Variants in FBLN2 observed in about 807,000 individuals in gnomAD.
FBLN2 encodes fibulin-2.
A neutral mutation model predicts 123.7 loss-of-function variants in FBLN2; 81 were observed. The ratio of observed to expected loss-of-function variants is 0.65; its 90% CI spans 0.55 to 0.79. The LOEUF is 0.79. Ranked by LOEUF, FBLN2 falls within the 30% of genes least tolerant of loss-of-function variation. FBLN2 has a pLI of 0.00. For missense variants in FBLN2, 1,603 were observed against 1,681.3 expected (o/e 0.95, Z 0.81); for synonymous variants, 699 against 701.4 (o/e 1.00, Z 0.05).
chr3:13,573,575 G>A (rs1210678045), intron 2 of FBLN2, among the ~76,000 whole-genome samples: 2 of 152,088 alleles, frequency 1.3e-5, no homozygotes, highest in African/African-American at 2.4e-5. Context: ...GCATCTTACC[G>A]GCTCCTGTGC....
At chr3:13,576,092 A>G (rs1246287184) in intron 2 of FBLN2, among the ~76,000 whole-genome samples, 2 of 152,166 alleles carry the variant, frequency 1.3e-5, no homozygotes, top group African/African-American at 4.8e-5. Context: ...GCCTGGAGGA[A>G]CCCACAGAGA....
chr3:13,570,950 T>C lies in FBLN2; in HGVS notation c.595T>C (p.Tyr199His), dbSNP rs765973064. The change falls in exon 2 of 18, where the codon TAT (tyrosine) becomes CAT (histidine). Residue 199 changes from tyrosine (Y) to histidine (H), a missense_variant. Physicochemically the swap from Tyr to His is moderately conservative, Grantham distance 83. Coordinates refer to ENST00000404922, the MANE Select transcript of FBLN2 (RefSeq NM_001004019.2). The stretch of plus-strand genomic sequence containing the variant: ...GCGACACTACGAAGACCCCTACAGC[T>C]ATGACCAGGAGGTGGCCGAGGTGGA... ...PERHYEDPYSYDQEVAEVEAA... is the reference protein window; with the variant it reads ...PERHYEDPYSHDQEVAEVEAA... 2 of 1,612,666 alleles carry C rather than the reference T, an allele frequency of 1.2e-6. No homozygotes were observed. Among genetic ancestry groups the C allele is most frequent in the South Asian group, 2.2e-5 (2 of 90,844 alleles).
chr3:13,634,007 C>T (rs1706361264), intron 16 of FBLN2, among the ~76,000 whole-genome samples: 1 of 48,666 alleles, frequency 2.1e-5, no homozygotes, highest in South Asian at 6.2e-4. Context: ...CTGAAAGTCA[C>T]TCTGAGTCCC....
At chr3:13,596,939 T>C (rs1412689434) in intron 2 of FBLN2, among the ~76,000 whole-genome samples, 2 of 152,006 alleles carry the variant, frequency 1.3e-5, no homozygotes, top group Non-Finnish European at 2.9e-5. Context: ...TATTTATTTA[T>C]TTATTTATTT....
At chr3:13,626,991 CG>C (rs1014947293) in intron 10 of FBLN2, among the ~76,000 whole-genome samples, 7 of 152,108 alleles carry the variant, frequency 4.6e-5, no homozygotes, top group African/African-American at 1.4e-4. Context: ...TCAACAAGTA[CG>C]TCCTGAGCTG....
intron 14 of FBLN2, among the ~76,000 whole-genome samples, chr3:13,630,423 G>T (rs1706217204): frequency 6.6e-6 from 1 of 152,206 alleles, no homozygotes; most frequent in African/African-American, 2.4e-5. Flanking sequence ...AGGCCATGGG[G>T]TCTTGGCCCC....
intron 2 of FBLN2, among the ~76,000 whole-genome samples, chr3:13,585,869 C>A (rs982531724): frequency 6.6e-6 from 1 of 152,186 alleles, no homozygotes; most frequent in African/African-American, 2.4e-5. Context: ...TAATGAATGT[C>A]TGTGTTACCA....
At chr3:13,612,682 G>C (rs1448424368) in intron 4 of FBLN2, among the ~76,000 whole-genome samples, 3 of 152,242 alleles carry the variant, frequency 2.0e-5, no homozygotes, top group African/African-American at 4.8e-5. Flanking sequence ...TGCCCGGCCA[G>C]TTCTCTTTTC....
intron 1 of FBLN2, chr3:13,569,063 G>C: frequency 1.0e-6 from 1 of 985,978 alleles, no homozygotes. Context: ...TGGGGAGCAC[G>C]CTGTCTATAA....
intron 6 of FBLN2, 123 bp downstream of exon 6, chr3:13,618,408 A>G (rs926981398): frequency 1.9e-5 from 16 of 862,526 alleles, no homozygotes; most frequent in Non-Finnish European, 2.5e-5. Context: ...GTTGGAACCC[A>G]CAGAAGCCTG....
At chr3:13,631,231 C>T (rs748860106) in intron 15 of FBLN2, 98 bp from the exon 16 acceptor site, 2 of 1,435,634 alleles carry the variant, frequency 1.4e-6, no homozygotes, top group Non-Finnish European at 1.9e-6. Context: ...AAAAATGGGC[C>T]CCTAAGCTCT....
In FBLN2 at chr3:13,637,624, C is replaced by T. The variant is rs199626220; in HGVS notation, c.3401C>T (p.Thr1134Met). The T allele has an allele frequency of 2.5e-6, 4 of 1,613,940 alleles. No homozygotes were observed. Among genetic ancestry groups the T allele is most frequent in the South Asian group, 1.1e-5 (1 of 91,062 alleles). The change falls in exon 18 of 18, where the codon ACG becomes ATG. Residue 1134 changes from threonine to methionine, a missense_variant. Coordinates refer to ENST00000404922, the MANE Select transcript of FBLN2 (RefSeq NM_001004019.2). ...LECQNSPARI[T>M]HYQLNFQTGL... The stretch of plus-strand genomic sequence containing the variant: ...TGCCAGAACTCGCCAGCGCGCATCA[C>T]GCACTACCAGCTCAACTTCCAGACG...
At chr3:13,582,194 G>A (rs1704353440) in intron 2 of FBLN2, among the ~76,000 whole-genome samples, 1 of 152,180 alleles carries the variant, frequency 6.6e-6, no homozygotes, top group Admixed American at 6.5e-5. Context: ...CCTGCTGAGA[G>A]GGTGGCGGCC....
intron 9 of FBLN2, 111 bp from the exon 10 acceptor site, chr3:13,626,334 T>C (rs1406278787): frequency 1.7e-5 from 20 of 1,160,482 alleles, no homozygotes; most frequent in Middle Eastern, 4.5e-4. Context: ...GTGAGCTCCC[T>C]GAGGGCAGGG....
At chr3:13,550,232 A>G (rs1264150222) in intron 1 of FBLN2, among the ~76,000 whole-genome samples, 1 of 152,174 alleles carries the variant, frequency 6.6e-6, no homozygotes, top group Admixed American at 6.5e-5. Flanking sequence ...CTCCTGACAG[A>G]GGCTGCTTAC....
chr3:13,625,651 G>T (rs1706011569), intron 9 of FBLN2, among the ~76,000 whole-genome samples: 1 of 151,890 alleles, frequency 6.6e-6, no homozygotes, highest in Non-Finnish European at 1.5e-5. Context: ...CCATCAGTGG[G>T]TTTTGTTGGT....
intron 2 of FBLN2, among the ~76,000 whole-genome samples, chr3:13,581,214 G>A (rs1171849796): frequency 1.3e-5 from 2 of 150,894 alleles, no homozygotes; most frequent in Non-Finnish European, 3.0e-5. Context: ...GGGGCGGCAG[G>A]TGGGGGGTGG....
chr3:13,629,950 G>A lies in FBLN2; in HGVS notation c.2968+5G>A. ...CGGACGGCAAGCGCTGTGAAGGTAG[G>A]CTGGCCCTCATCTCTGACCCTATGC... is the stretch of plus-strand genomic sequence containing the variant. On this transcript the variant is annotated splice_donor_5th_base_variant and intron_variant, in intron 14 of 17. Coordinates refer to ENST00000404922, the MANE Select transcript of FBLN2 (RefSeq NM_001004019.2). 3 of 1,610,254 alleles carry A rather than the reference G, an allele frequency of 1.9e-6. No homozygotes were observed. Among genetic ancestry groups the A allele is most frequent in the Non-Finnish European group, 2.5e-6 (3 of 1,178,944 alleles).
At chr3:13,635,471 C>T (rs924653851) in intron 16 of FBLN2, among the ~76,000 whole-genome samples, 3 of 152,108 alleles carry the variant, frequency 2.0e-5, no homozygotes, top group South Asian at 2.1e-4. Context: ...TGTCTGTTGA[C>T]GTTTATATGT....
Sources: gnomAD v4.1 joint callset for allele counts (sites outside exome capture counted in the v4.1 genomes callset) on GRCh38, gnomAD v4.1.1 for gene constraint, MANE v1.5 for transcripts, NCBI Gene and HGNC (gene_info 2026-07-23, HGNC 2026-07-21) for gene names.